ADCY3: variants seen among roughly 807,000 people sequenced by gnomAD.
ADCY3 encodes the protein adenylate cyclase 3.
A neutral mutation model predicts 119.4 loss-of-function variants in ADCY3; 70 were observed. That is an observed-to-expected ratio of 0.59 (90% CI 0.48 to 0.72). The LOEUF is 0.72. Ranked by LOEUF, ADCY3 falls within the 30% of genes least tolerant of loss-of-function variation. The pLI, the probability that ADCY3 is intolerant of heterozygous loss-of-function variation, is 0.00. For synonymous variants in ADCY3, 672 were observed against 621.4 expected (o/e 1.08, Z -1.21); for missense variants, 1,238 against 1,541.6 (o/e 0.80, Z 3.30).
intron 2 of ADCY3, among the ~76,000 whole-genome samples, chr2:24,887,260 G>A (rs1677142221): frequency 6.6e-6 from 1 of 152,132 alleles, no homozygotes; most frequent in Non-Finnish European, 1.5e-5. Flanking sequence ...AGAACAGCAT[G>A]GGGGAAACCA....
Position 24,841,408 on chromosome 2 carries a change from T to C in ADCY3, c.1069-22A>G, listed in dbSNP as rs1670996903. On this transcript the variant is annotated intron_variant, in intron 5 of 21. Coordinates refer to ENST00000679454, the MANE Select transcript of ADCY3 (RefSeq NM_004036.5). This position sits in a 1 kb window ranked among gnomAD's most constrained non-coding sequence, Gnocchi z 5.8. ...ATTTCTGAAAGGGGAGGGCCTGGCC[T>C]GTGCTCCAGCCCCTCCTCAGTGAGG... 2 of 1,609,464 alleles carry C rather than the reference T, an allele frequency of 1.2e-6. No individual in the cohort carries two copies. Among genetic ancestry groups the C allele is most frequent in the African/African-American group, 1.3e-5 (1 of 74,852 alleles).
At chr2:24,884,471 CTTTTT>C (rs1201387570) in intron 2 of ADCY3, among the ~76,000 whole-genome samples, 1 of 97,858 alleles carries the variant, frequency 1.0e-5, no homozygotes, top group Non-Finnish European at 1.9e-5. Flanking sequence ...TTCTAATAAT[CTTTTT>C]TTTTTTTTTT....
chr2:24,862,559 T>A (rs1025274331), intron 3 of ADCY3, among the ~76,000 whole-genome samples: 48 of 125,880 alleles, frequency 3.8e-4, no homozygotes, highest in Admixed American at 1.0e-3. Context: ...AAAAAAAAAT[T>A]AATTAATTAA....
At chr2:24,877,004 T>C (rs533687796) in intron 2 of ADCY3, among the ~76,000 whole-genome samples, 110 of 152,228 alleles carry the variant, frequency 7.2e-4, no homozygotes, top group African/African-American at 2.6e-3. Flanking sequence ...CTCATCCCAT[T>C]CTACCCAACC....
chr2:24,916,081 G>A (rs545312042), intron 2 of ADCY3, among the ~76,000 whole-genome samples: 94 of 152,284 alleles, frequency 6.2e-4, no homozygotes, highest in African/African-American at 2.2e-3. Flanking sequence ...CTGCCTCCCA[G>A]GCACTGCTTG....
chr2:24,860,729 G>A (rs1673527885), intron 3 of ADCY3, among the ~76,000 whole-genome samples: 2 of 152,214 alleles, frequency 1.3e-5, no homozygotes, highest in Non-Finnish European at 2.9e-5. Context: ...ATGGCTGGCT[G>A]CCCACCCATC....
At chr2:24,909,216 G>T (rs951258320) in intron 2 of ADCY3, among the ~76,000 whole-genome samples, 2 of 152,036 alleles carry the variant, frequency 1.3e-5, no homozygotes, top group African/African-American at 4.8e-5. Flanking sequence ...GCCACGCCTG[G>T]ACTCCCTCAC....
At chr2:24,832,272 G>C (rs1000196535) in intron 11 of ADCY3, 1 of 162,992 alleles carries the variant, frequency 6.1e-6, no homozygotes, top group Non-Finnish European at 1.3e-5. Context: ...ACATTTCCCA[G>C]AGAGGGAACA....
intron 15 of ADCY3, chr2:24,826,335 T>C (rs1425718377): frequency 5.5e-6 from 3 of 549,492 alleles, no homozygotes; most frequent in Non-Finnish European, 9.8e-6. Flanking sequence ...AGGCAACCCC[T>C]GGCCCCTCCT....
At chr2:24,871,885 T>C (rs1675055800) in intron 3 of ADCY3, among the ~76,000 whole-genome samples, 1 of 152,194 alleles carries the variant, frequency 6.6e-6, no homozygotes, top group African/African-American at 2.4e-5. Flanking sequence ...TGGAAGAGAC[T>C]GGAGGAAAGC....
At chr2:24,885,859 A>G (rs569803887) in intron 2 of ADCY3, among the ~76,000 whole-genome samples, 1 of 152,240 alleles carries the variant, frequency 6.6e-6, no homozygotes, top group South Asian at 2.1e-4. Context: ...CCGCCCCCAC[A>G]GCTGCCTGAG....
chr2:24,914,770 T>C (rs1664242318), intron 2 of ADCY3, among the ~76,000 whole-genome samples: 1 of 151,508 alleles, frequency 6.6e-6, no homozygotes, highest in African/African-American at 2.4e-5. Context: ...AAGGTGGCTC[T>C]CAGAACATCC....
chr2:24,876,725 C>T (rs530994761), intron 2 of ADCY3, among the ~76,000 whole-genome samples: 4 of 152,168 alleles, frequency 2.6e-5, no homozygotes, highest in Non-Finnish European at 5.9e-5. Context: ...ATGCATCCAT[C>T]AGGATCGCCT....
intron 9 of ADCY3, among the ~76,000 whole-genome samples, chr2:24,836,480 C>A (rs1481170598): frequency 6.6e-6 from 1 of 152,238 alleles, no homozygotes; most frequent in Non-Finnish European, 1.5e-5. Flanking sequence ...TCTGGGACAG[C>A]ATGCTAATTC....
At chr2:24,914,544 G>A (rs1002389629) in intron 2 of ADCY3, among the ~76,000 whole-genome samples, 13 of 152,034 alleles carry the variant, frequency 8.6e-5, no homozygotes, top group African/African-American at 2.4e-4. Flanking sequence ...ACGTGGTGGC[G>A]GCCACCTGTA....
chr2:24,854,546 G>A (rs950644042), intron 3 of ADCY3, among the ~76,000 whole-genome samples: 3 of 152,182 alleles, frequency 2.0e-5, no homozygotes, highest in Admixed American at 6.5e-5. Context: ...ATGTGTGGCT[G>A]GCGTGTCACT....
At chr2:24,903,491 T>C (rs1249954215) in intron 2 of ADCY3, among the ~76,000 whole-genome samples, 1 of 152,098 alleles carries the variant, frequency 6.6e-6, no homozygotes, top group Non-Finnish European at 1.5e-5. Flanking sequence ...CTGGGCGCCT[T>C]CTTCACCCTC....
rs1675212266 is a variant in ADCY3, at chr2:24,872,931, A to C, written c.676-212T>G. ...ACGGATGGGTGGTCCACCCAGGGGC[A>C]TGGCTCAAGGCCTGAAAGGCTCAAG... On this transcript the variant is annotated intron_variant, in intron 2 of 21. Transcript: ENST00000679454. The surrounding 1 kb of genome is among the most constrained non-coding windows in gnomAD (Gnocchi z 4.4). 6.6e-6 allele frequency among the ~76,000 whole-genome samples: 1 copy of C among 152,212 alleles called. No individual in the cohort carries two copies.
chr2:24,829,475 G>A (rs551938759), intron 13 of ADCY3, among the ~76,000 whole-genome samples: 2 of 128,456 alleles, frequency 1.6e-5, no homozygotes, highest in African/African-American at 2.9e-5. Context: ...AGGCTGGAGT[G>A]CAGTGCACAA....
Sources: gnomAD v4.1 joint callset for allele counts (sites outside exome capture counted in the v4.1 genomes callset) on GRCh38, gnomAD v4.1.1 for gene constraint, Gnocchi (gnomAD v3.1) non-coding constraint, MANE v1.5 for transcripts, NCBI Gene and HGNC (gene_info 2026-07-23, HGNC 2026-07-21) for gene names.